The following ANGPT1 variants were observed in gnomAD, a reference collection of about 807,000 sequenced individuals.
The protein encoded by ANGPT1 is angiopoietin-1.
ANGPT1 carries 17 observed loss-of-function variants against 62.2 expected under a neutral mutation model. That is an observed-to-expected ratio of 0.27 (90% CI 0.19 to 0.41). ANGPT1 has a LOEUF of 0.41. ANGPT1 is among the 10% of genes least tolerant of loss of function. The pLI is 1.00. For missense variants in ANGPT1, 478 were observed against 594.9 expected (o/e 0.80, Z 2.04); for synonymous variants, 199 against 198.9 (o/e 1.00, Z 0.00).
intron 1 of ANGPT1, among the ~76,000 whole-genome samples, chr8:107,364,966 A>AG (rs1188957386): frequency 2.6e-5 from 3 of 115,754 alleles, no homozygotes; most frequent in Admixed American, 2.0e-4. Context: ...AGATTGCAGA[A>AG]GGGGGAAAAA....
At chr8:107,371,578 T>C (rs1283482106) in intron 1 of ANGPT1, among the ~76,000 whole-genome samples, 1 of 45,362 alleles carries the variant, frequency 2.2e-5, no homozygotes, top group African/African-American at 8.8e-5. Flanking sequence ...GCATTCTTTT[T>C]TTTTTTTTTT....
At chr8:107,295,931 G>A (rs1814403587) in intron 5 of ANGPT1, among the ~76,000 whole-genome samples, 1 of 152,060 alleles carries the variant, frequency 6.6e-6, no homozygotes, top group Non-Finnish European at 1.5e-5. Flanking sequence ...ATGTAGGTAT[G>A]ATGATCATCT....
intron 1 of ANGPT1, among the ~76,000 whole-genome samples, chr8:107,370,388 GAAAGAAAGAAAGAAAGAAA>G (rs1816376723): frequency 3.7e-5 from 2 of 54,048 alleles, no homozygotes; most frequent in African/African-American, 8.6e-5. Flanking sequence ...AAGAAAGAAA[GAAAGAAAGAAAGAAAGAAA>G]GAGTCAGGGT....
chr8:107,333,074 T>C (rs1174642995), intron 3 of ANGPT1, among the ~76,000 whole-genome samples: 1 of 152,174 alleles, frequency 6.6e-6, no homozygotes, highest in Admixed American at 6.5e-5. Flanking sequence ...ATTGCACATA[T>C]GAAAATAAAC....
intron 7 of ANGPT1, among the ~76,000 whole-genome samples, chr8:107,274,094 T>C (rs185433266): frequency 5.8e-4 from 88 of 152,278 alleles, no homozygotes; most frequent in African/African-American, 2.0e-3. Context: ...GTGTGTCTGT[T>C]TGGTGTAACC....
intron 1 of ANGPT1, among the ~76,000 whole-genome samples, chr8:107,399,461 A>G (rs1816999976): frequency 6.6e-6 from 1 of 152,188 alleles, no homozygotes; most frequent in Non-Finnish European, 1.5e-5. Flanking sequence ...ATTAATTAGT[A>G]TGAAGAGATA....
At position 107,387,673 on chromosome 8, in the gene ANGPT1, C is replaced by T. The variant is rs183242746; in HGVS notation, c.298-40576G>A. On this transcript the variant is annotated intron_variant, in intron 1 of 8. Transcript: ENST00000517746. ...TTCACAATCTTGAGCAAGGATAAACCGAAAAAAGCTTTGACAGAGAAAAAA... is the reference window on the plus strand; with the variant it reads ...TTCACAATCTTGAGCAAGGATAAACTGAAAAAAGCTTTGACAGAGAAAAAA... Among the ~76,000 whole-genome samples, 303 of 151,542 alleles carry T rather than the reference C, an allele frequency of 2.0e-3. 1 individual carries two copies. The highest frequency in any genetic ancestry group is 1.7e-3 in the African/African-American group (69 of 41,358).
Position 107,294,002 on chromosome 8 carries a change from C to A in ANGPT1, c.972G>T (p.Trp324Cys). ...CATCTTCACGATGTTGTATTACAGTCCAACCTCCCCCATTGACATCCATAT... is the reference window on the plus strand; with the variant it reads ...CATCTTCACGATGTTGTATTACAGTACAACCTCCCCCATTGACATCCATAT... Reference protein sequence around the residue: ...FCNMDVNGGGWTVIQHREDGS... With the variant: ...FCNMDVNGGGCTVIQHREDGS... Residue 324 changes from tryptophan to cysteine, a missense_variant, in exon 6 of 9, where the codon TGG (tryptophan) becomes TGT (cysteine). Around this residue, in one of 4 missense-constraint regions of ANGPT1, gnomAD observed 81 missense variants for 117.1 expected, o/e 0.69. Transcript: ENST00000517746. 3 of 1,613,412 alleles carry A rather than the reference C, an allele frequency of 1.9e-6. No homozygotes were observed. The highest frequency in any genetic ancestry group is 2.5e-6 in the Non-Finnish European group (3 of 1,179,732).
chr8:107,422,965 T>C (rs1175836981), intron 1 of ANGPT1, among the ~76,000 whole-genome samples: 1 of 152,200 alleles, frequency 6.6e-6, no homozygotes, highest in African/African-American at 2.4e-5. Flanking sequence ...TAAAGAAGAA[T>C]TGAGCAATGT....
chr8:107,311,398 A>G (rs1263193481), intron 4 of ANGPT1, among the ~76,000 whole-genome samples: 1 of 152,176 alleles, frequency 6.6e-6, no homozygotes, highest in Non-Finnish European at 1.5e-5. Context: ...AGGATAAAAA[A>G]TGCAGGTAAT....
chr8:107,290,505 G>A (rs902683688), intron 6 of ANGPT1, among the ~76,000 whole-genome samples: 1 of 152,132 alleles, frequency 6.6e-6, no homozygotes, highest in African/African-American at 2.4e-5. Flanking sequence ...GGCATAAGGA[G>A]TCTATATCCA....
chr8:107,400,853 C>T lies in ANGPT1; in HGVS notation c.298-53756G>A, dbSNP rs998916383. Among the ~76,000 whole-genome samples the T allele has an allele frequency of 1.3e-4, 19 of 144,040 alleles. No individual in the cohort carries two copies. In the East Asian group the frequency reaches 3.4e-3, roughly 25 times the overall value. 94.5% of individuals were successfully genotyped at this position (144,040 alleles called of 152,430 possible). A position where few individuals can be genotyped will look rare whatever the true frequency, so the allele number is the denominator to read the frequency against. On this transcript the variant is annotated intron_variant, in intron 1 of 8. Coordinates refer to ENST00000517746, the MANE Select transcript of ANGPT1 (RefSeq NM_001146.5). ...GGGATTACAAGCGTGAGCCACCGTG[C>T]CCAGCAGATATTTCTTTTTAAAGTA...
chr8:107,333,578 T>C (rs142707619), intron 3 of ANGPT1, among the ~76,000 whole-genome samples: 2 of 152,280 alleles, frequency 1.3e-5, no homozygotes, highest in African/African-American at 4.8e-5. Context: ...CTGAGTTTTC[T>C]GTTGAAATTA....
chr8:107,489,641 T>C (rs905997409), intron 1 of ANGPT1, among the ~76,000 whole-genome samples: 3 of 152,192 alleles, frequency 2.0e-5, no homozygotes, highest in African/African-American at 2.4e-5. Context: ...TATTCAGGTA[T>C]AGATCCTACA....
intron 1 of ANGPT1, among the ~76,000 whole-genome samples, chr8:107,493,061 T>C (rs1029351828): frequency 3.3e-5 from 5 of 150,578 alleles, no homozygotes; most frequent in Non-Finnish European, 7.4e-5. Flanking sequence ...AGTTACAAGG[T>C]CCCTTAATTT....
At chr8:107,477,408 A>G (rs763158014) in intron 1 of ANGPT1, among the ~76,000 whole-genome samples, 11 of 152,196 alleles carry the variant, frequency 7.2e-5, no homozygotes, top group Non-Finnish European at 1.5e-4. Context: ...GTGAAAGATG[A>G]GACTGGAGTA....
chr8:107,309,046 G>C (rs1387733068), intron 4 of ANGPT1, among the ~76,000 whole-genome samples: 2 of 152,074 alleles, frequency 1.3e-5, no homozygotes, highest in African/African-American at 2.4e-5. Context: ...GTAATTATTA[G>C]CCTCAGCAAC....
At chr8:107,317,546 T>G (rs2130044459) in intron 4 of ANGPT1, among the ~76,000 whole-genome samples, 1 of 152,246 alleles carries the variant, frequency 6.6e-6, no homozygotes, top group South Asian at 2.1e-4. Flanking sequence ...AAATTCCCAA[T>G]TATATATTTG....
At chr8:107,375,761 C>T (rs955793534) in intron 1 of ANGPT1, among the ~76,000 whole-genome samples, 3 of 152,152 alleles carry the variant, frequency 2.0e-5, no homozygotes, top group African/African-American at 7.2e-5. Context: ...ACTTGGACCT[C>T]ACTGCTCAGG....
Sources: allele counts gnomAD v4.1 joint callset (sites outside exome capture counted in the v4.1 genomes callset), GRCh38; gene constraint gnomAD v4.1.1; regional missense constraint gnomAD v4.1.1; transcripts MANE v1.5; gene names NCBI Gene and HGNC (gene_info 2026-07-23, HGNC 2026-07-21).